SIPA1L1: variants seen among roughly 807,000 people sequenced by gnomAD.
SIPA1L1 encodes the protein signal induced proliferation associated 1 like 1.
In SIPA1L1, 26 loss-of-function variants were observed where a neutral mutation model predicts 162.7. The ratio of observed to expected loss-of-function variants is 0.16; its 90% confidence interval spans 0.12 to 0.22. The LOEUF (loss-of-function observed/expected upper bound fraction) is 0.22. SIPA1L1 is among the 10% of genes least tolerant of loss of function. The pLI, the probability that SIPA1L1 is intolerant of heterozygous loss-of-function variation, is 1.00. For synonymous variants in SIPA1L1, 829 were observed against 837.4 expected, an observed-to-expected ratio of 0.99 and a Z score of 0.17; for missense variants, 1,874 against 2,241.0, an observed-to-expected ratio of 0.84 and a Z score of 3.31.
At chr14:71,620,165 G>A (rs1016571501) in intron 6 of SIPA1L1, among the ~76,000 whole-genome samples, 5 of 152,200 alleles carry the variant, frequency 3.3e-5, no homozygotes, top group Non-Finnish European at 7.4e-5. Context: ...TGTCTCCTGG[G>A]TTCAAGTGAT....
chr14:71,721,027 T>G (rs2083677324), intron 17 of SIPA1L1, among the ~76,000 whole-genome samples: 1 of 152,204 alleles, frequency 6.6e-6, no homozygotes, highest in Non-Finnish European at 1.5e-5. Context: ...TGTCTGAGCA[T>G]TGAAGAGTTA....
intron 8 of SIPA1L1, among the ~76,000 whole-genome samples, chr14:71,651,824 G>A (rs1003849358): frequency 6.6e-6 from 1 of 152,222 alleles, no homozygotes; most frequent in African/African-American, 2.4e-5. Context: ...AACATGACAT[G>A]TAGTAAGGCA....
In SIPA1L1 at chr14:71,709,634, T is replaced by C. The variant is rs755493414; in HGVS notation, c.4178T>C (p.Phe1393Ser). 4.3e-6 allele frequency: 7 copies of C among 1,613,972 alleles called. No homozygotes were observed. The highest frequency in any genetic ancestry group is 5.1e-6 in the Non-Finnish European group (6 of 1,179,916). The change falls in exon 17 of 24, where the codon TTC (phenylalanine) becomes TCC (serine). Residue 1393 changes from phenylalanine (F) to serine (S), a missense_variant. Physicochemically the swap from Phe to Ser is radical, Grantham distance 155 (BLOSUM62 -2). Coordinates refer to ENST00000381232, the MANE Select transcript of SIPA1L1 (RefSeq NM_001386936.1). Reference protein sequence around the residue: ...STPLTRENSTFSINDAASHTS... With the variant: ...STPLTRENSTSSINDAASHTS... ...CCTCTGACAAGGGAGAACAGCACCT[T>C]CAGTATAAACGATGCTGCTTCCCAC...
chr14:71,422,222 A>G (rs1391895643), intron 2 of SIPA1L1, among the ~76,000 whole-genome samples: 2 of 152,212 alleles, frequency 1.3e-5, no homozygotes, highest in Non-Finnish European at 2.9e-5. Context: ...TTATGATGTT[A>G]TAATTATCCC....
chr14:71,446,271 AT>A (rs1299060543), intron 2 of SIPA1L1, among the ~76,000 whole-genome samples: 1 of 152,014 alleles, frequency 6.6e-6, no homozygotes, highest in Admixed American at 6.6e-5. Context: ...GGTTTCTAAT[AT>A]TTTTTTCTTA....
chr14:71,446,842 T>C (rs549837870), intron 2 of SIPA1L1, among the ~76,000 whole-genome samples: 51 of 149,190 alleles, frequency 3.4e-4, no homozygotes, highest in Non-Finnish European at 6.7e-4. Flanking sequence ...TATTTGAAAA[T>C]ACATTTCCAA....
intron 2 of SIPA1L1, among the ~76,000 whole-genome samples, chr14:71,465,763 T>TA (rs1348105245): frequency 1.3e-5 from 2 of 152,150 alleles, no homozygotes; most frequent in East Asian, 3.9e-4. Flanking sequence ...AGTATTAACT[T>TA]ACACGATCAC....
intron 23 of SIPA1L1, 38 bp from the exon 24 acceptor site, chr14:71,738,980 A>C: frequency 6.2e-7 from 1 of 1,600,160 alleles, no homozygotes; most frequent in Non-Finnish European, 8.5e-7. Context: ...AGGTGGGGCC[A>C]ACACCTCTTA....
chr14:71,507,093 G>A (rs2050739898), intron 2 of SIPA1L1, among the ~76,000 whole-genome samples: 1 of 152,184 alleles, frequency 6.6e-6, no homozygotes, highest in Admixed American at 6.5e-5. Context: ...GGCTTTTGCA[G>A]TGTAATGCCT....
chr14:71,367,909 C>CTTT (rs543910059), intron 2 of SIPA1L1, among the ~76,000 whole-genome samples: 27 of 127,024 alleles, frequency 2.1e-4, no homozygotes, highest in Non-Finnish European at 1.2e-4. Flanking sequence ...GCCGGCCTTC[C>CTTT]TTTTTTTTTT....
At chr14:71,558,983 C>T (rs535165501) in intron 4 of SIPA1L1, among the ~76,000 whole-genome samples, 6 of 152,184 alleles carry the variant, frequency 3.9e-5, no homozygotes, top group African/African-American at 1.4e-4. Context: ...GGCACTTGGC[C>T]TTGCCGAAGC....
chr14:71,570,505 T>C (rs1415869631), intron 4 of SIPA1L1, among the ~76,000 whole-genome samples: 2 of 152,004 alleles, frequency 1.3e-5, no homozygotes, highest in Non-Finnish European at 2.9e-5. Flanking sequence ...GCTCAAGAGA[T>C]TCAGCCACCT....
At chr14:71,723,571 C>T (rs779159384) in intron 17 of SIPA1L1, 76 bp from the exon 18 acceptor site, 18 of 1,554,884 alleles carry the variant, frequency 1.2e-5, no homozygotes, top group South Asian at 2.3e-5. Context: ...CAGCCATCAC[C>T]CGTACCCCGG....
intron 2 of SIPA1L1, among the ~76,000 whole-genome samples, chr14:71,340,757 G>A (rs1321429907): frequency 2.6e-5 from 4 of 152,008 alleles, no homozygotes; most frequent in East Asian, 1.9e-4. Context: ...CCAACGTGGC[G>A]AAACCCCATC....
At chr14:71,482,097 G>A (rs1450951721) in intron 2 of SIPA1L1, among the ~76,000 whole-genome samples, 1 of 152,184 alleles carries the variant, frequency 6.6e-6, no homozygotes, top group African/African-American at 2.4e-5. Flanking sequence ...CCTTTATGGA[G>A]CTCTGTGCCA....
At chr14:71,524,984 C>G (rs1184015699) in intron 3 of SIPA1L1, among the ~76,000 whole-genome samples, 1 of 152,032 alleles carries the variant, frequency 6.6e-6, no homozygotes, top group Non-Finnish European at 1.5e-5. Flanking sequence ...GCCTTTTACT[C>G]TCCCTACATT....
intron 2 of SIPA1L1, chr14:71,330,653 A>C: frequency 1.1e-6 from 1 of 885,184 alleles, no homozygotes; most frequent in South Asian, 1.3e-5. Flanking sequence ...TCATTGTTGT[A>C]GTCTGGGTGG....
chr14:71,468,829 G>T (rs901803217), intron 2 of SIPA1L1, among the ~76,000 whole-genome samples: 11 of 152,202 alleles, frequency 7.2e-5, no homozygotes, highest in Non-Finnish European at 1.5e-5. Flanking sequence ...ATCATGAAAA[G>T]TCTCAGCTTT....
intron 2 of SIPA1L1, among the ~76,000 whole-genome samples, chr14:71,501,877 A>G (rs1202573818): frequency 6.6e-6 from 1 of 151,856 alleles, no homozygotes; most frequent in Non-Finnish European, 1.5e-5. Context: ...AAATAAATAA[A>G]TAAATAAATA....
Sources: gnomAD v4.1 joint callset for allele counts (sites outside exome capture counted in the v4.1 genomes callset) on GRCh38, gnomAD v4.1.1 for gene constraint, MANE v1.5 for transcripts, NCBI Gene and HGNC (gene_info 2026-07-23, HGNC 2026-07-21) for gene names.